Variants in MAGI2 observed in about 807,000 individuals in gnomAD.
MAGI2 encodes the protein membrane-associated guanylate kinase, WW and PDZ domain-containing protein 2.
In MAGI2, 35 loss-of-function variants were observed where a neutral mutation model predicts 133.3. The observed-to-expected ratio is 0.26, with a 90% CI of 0.20 to 0.35. MAGI2 has a LOEUF of 0.35. Among genes scored for constraint, MAGI2 ranks in the 10% least tolerant of loss-of-function variants. MAGI2 has a pLI of 1.00. For missense variants in MAGI2, 1,636 were observed against 1,863.4 expected (o/e 0.88, Z 2.25); for synonymous variants, 729 against 710.6 (o/e 1.03, Z -0.41).
chr7:78,219,740 A>G (rs530928967), intron 10 of MAGI2, among the ~76,000 whole-genome samples: 206 of 152,244 alleles, frequency 1.4e-3, no homozygotes, highest in African/African-American at 4.7e-3. Context: ...GCTCATTGCA[A>G]ATTTGTCCAT....
chr7:78,916,033 A>G (rs557862488), intron 2 of MAGI2, among the ~76,000 whole-genome samples: 1 of 152,266 alleles, frequency 6.6e-6, no homozygotes, highest in Non-Finnish European at 1.5e-5. Flanking sequence ...TGGATTATGC[A>G]TAATCCTTGA....
intron 1 of MAGI2, among the ~76,000 whole-genome samples, chr7:79,177,847 G>A (rs1826242063): frequency 1.3e-5 from 2 of 152,120 alleles, no homozygotes; most frequent in South Asian, 2.1e-4. Flanking sequence ...GCTATCTTAA[G>A]GCATAAGAAA....
At chr7:79,346,624 C>T (rs1841334097) in intron 1 of MAGI2, among the ~76,000 whole-genome samples, 1 of 151,894 alleles carries the variant, frequency 6.6e-6, no homozygotes, top group Admixed American at 6.6e-5. Flanking sequence ...TCCACTAATT[C>T]TCTCAACAAA....
intron 1 of MAGI2, among the ~76,000 whole-genome samples, chr7:79,176,570 C>G (rs1447566726): frequency 6.6e-6 from 1 of 151,822 alleles, no homozygotes; most frequent in African/African-American, 2.4e-5. Context: ...ATTTTATTAT[C>G]ATAAAAATTG....
intron 1 of MAGI2, among the ~76,000 whole-genome samples, chr7:79,121,893 T>C (rs1333624592): frequency 6.6e-6 from 1 of 152,158 alleles, no homozygotes; most frequent in Non-Finnish European, 1.5e-5. Context: ...GAAACTTCAA[T>C]TGTTTTCTAA....
intron 2 of MAGI2, among the ~76,000 whole-genome samples, chr7:78,993,788 T>C (rs1008662424): frequency 6.6e-6 from 1 of 152,040 alleles, no homozygotes; most frequent in African/African-American, 2.4e-5. Flanking sequence ...AATAACACAT[T>C]ACTTATACTG....
chr7:79,421,972 G>C (rs1846989054), intron 1 of MAGI2, among the ~76,000 whole-genome samples: 1 of 151,958 alleles, frequency 6.6e-6, no homozygotes, highest in Non-Finnish European at 1.5e-5. Flanking sequence ...AAAGGAGGAT[G>C]TTTCATTGTT....
chr7:78,889,104 T>C (rs1642898), intron 2 of MAGI2, among the ~76,000 whole-genome samples: 78,742 of 152,074 alleles, frequency 0.52, 22,008 homozygotes, highest in South Asian at 0.68. Context: ...GTAGCCAATG[T>C]GATCAACTGG....
At chr7:78,677,415 T>A (rs1815167772) in intron 2 of MAGI2, among the ~76,000 whole-genome samples, 1 of 150,124 alleles carries the variant, frequency 6.7e-6, no homozygotes, top group South Asian at 2.1e-4. Flanking sequence ...TAAAGTATAT[T>A]TTTTATGCTT....
In MAGI2 at chr7:79,195,880, C is replaced by T. The variant is rs187020185; in HGVS notation, c.302-188674G>A. Among the ~76,000 whole-genome samples, 617 of 151,918 alleles carry T rather than the reference C, an allele frequency of 4.1e-3. 13 individuals are homozygous for T. The highest frequency in any genetic ancestry group is 1.2e-3 in the Non-Finnish European group (80 of 68,002). ...GCCAGGCACAGAAAGACAAACACTGCATGATCTCACTCATATGTGGAATCT... is the reference window on the plus strand; with the variant it reads ...GCCAGGCACAGAAAGACAAACACTGTATGATCTCACTCATATGTGGAATCT... On this transcript the variant is annotated intron_variant, in intron 1 of 21. Coordinates refer to ENST00000354212, the MANE Select transcript of MAGI2 (RefSeq NM_012301.4).
chr7:78,348,307 G>A (rs1791127117), intron 7 of MAGI2: 1 of 152,166 alleles, frequency 6.6e-6, no homozygotes, highest in Non-Finnish European at 1.5e-5. Context: ...GACATTAATA[G>A]CTACATCACG....
At chr7:78,979,719 T>G (rs1209178456) in intron 2 of MAGI2, among the ~76,000 whole-genome samples, 17 of 151,802 alleles carry the variant, frequency 1.1e-4, no homozygotes. Flanking sequence ...GGGTCTTGTG[T>G]GTTTGGCCAT....
At chr7:78,315,891 C>T (rs902892763) in intron 9 of MAGI2, among the ~76,000 whole-genome samples, 2 of 152,146 alleles carry the variant, frequency 1.3e-5, no homozygotes, top group African/African-American at 4.8e-5. Flanking sequence ...TTTTCTTTCT[C>T]AGTATTGATT....
chr7:78,513,073 G>C (rs1795740485), intron 4 of MAGI2, among the ~76,000 whole-genome samples: 1 of 151,726 alleles, frequency 6.6e-6, no homozygotes, highest in African/African-American at 2.4e-5. Context: ...ACCACAGCAA[G>C]GTATGAAATA....
chr7:78,176,504 C>T (rs999141839), intron 14 of MAGI2, among the ~76,000 whole-genome samples: 5 of 152,102 alleles, frequency 3.3e-5, no homozygotes, highest in African/African-American at 7.2e-5. Context: ...GCAGAGGAAG[C>T]GCCTCGGGGT....
intron 1 of MAGI2, among the ~76,000 whole-genome samples, chr7:79,366,235 A>C (rs951003729): frequency 6.6e-6 from 1 of 152,178 alleles, no homozygotes; most frequent in Non-Finnish European, 1.5e-5. Flanking sequence ...CTGTATCAAA[A>C]AAACAAAAAA....
intron 7 of MAGI2, among the ~76,000 whole-genome samples, chr7:78,348,619 T>TA (rs910397697): frequency 3.3e-5 from 5 of 151,994 alleles, no homozygotes; most frequent in Admixed American, 2.6e-4. Context: ...TTTATTCACT[T>TA]AAAAAAAATC....
At chr7:78,737,373 G>T (rs1821963027) in intron 2 of MAGI2, among the ~76,000 whole-genome samples, 1 of 152,112 alleles carries the variant, frequency 6.6e-6, no homozygotes, top group African/African-American at 2.4e-5. Context: ...TACACCATTG[G>T]AATTAAATTT....
Position 78,560,690 on chromosome 7 carries a change from C to G in MAGI2, c.539-39045G>C, listed in dbSNP as rs1444224478. ...ATTATTTGTGGGCTTCAGCGGTAGGCAGAGCTGGGTTTGAATTTCTGTTCT... is the reference window on the plus strand; with the variant it reads ...ATTATTTGTGGGCTTCAGCGGTAGGGAGAGCTGGGTTTGAATTTCTGTTCT... On this transcript the variant is annotated intron_variant, in intron 3 of 21. Transcript: ENST00000354212. Among the ~76,000 whole-genome samples, 3 of 152,104 alleles carry G rather than the reference C, an allele frequency of 2.0e-5. No individual in the cohort carries two copies. In the East Asian group the frequency reaches 5.8e-4, roughly 29 times the overall value.
Sources: allele counts gnomAD v4.1 joint callset (sites outside exome capture counted in the v4.1 genomes callset), GRCh38; gene constraint gnomAD v4.1.1; transcripts MANE v1.5; gene names NCBI Gene and HGNC (gene_info 2026-07-23, HGNC 2026-07-21).